The following ADGRB3 variants were observed in gnomAD, a reference collection of about 807,000 sequenced individuals.
The protein encoded by ADGRB3 is adhesion G protein-coupled receptor B3.
ADGRB3 carries 37 observed loss-of-function variants against 193.4 expected under a neutral mutation model. The observed-to-expected ratio is 0.19, with a 90% CI of 0.15 to 0.25. The LOEUF is 0.25. Ranked by LOEUF, ADGRB3 falls within the 10% of genes least tolerant of loss-of-function variation. ADGRB3 has a pLI of 1.00. For missense variants in ADGRB3, 1,637 were observed against 1,852.9 expected, an observed-to-expected ratio of 0.88 and a Z score of 2.14; for synonymous variants, 690 against 644.2, an observed-to-expected ratio of 1.07 and a Z score of -1.08.
rs1765283519 is a variant in ADGRB3, at chr6:68,703,872, C to T, written c.757+64440C>T. Reference sequence around the variant, plus strand: ...TCCTGACCTCAAGCAGTCCTCCTGCCTCAGCCTCCAAAAGTACTGGGATTA... The same window carrying T: ...TCCTGACCTCAAGCAGTCCTCCTGCTTCAGCCTCCAAAAGTACTGGGATTA... On this transcript the variant is annotated intron_variant, in intron 3 of 31. Coordinates refer to ENST00000370598, the MANE Select transcript of ADGRB3 (RefSeq NM_001704.3). Among the ~76,000 whole-genome samples, 4 of 152,314 alleles carry T rather than the reference C, an allele frequency of 2.6e-5. No individual in the cohort carries two copies. The South Asian group carries it at 8.3e-4, about 32-fold the overall frequency.
intron 3 of ADGRB3, among the ~76,000 whole-genome samples, chr6:68,820,729 G>A (rs1212964410): frequency 2.0e-5 from 3 of 151,954 alleles, no homozygotes; most frequent in Non-Finnish European, 4.4e-5. Context: ...TCCCACAAAT[G>A]AGTAAGAGTA....
At chr6:68,894,738 T>A (rs1323421050) in intron 3 of ADGRB3, among the ~76,000 whole-genome samples, 1 of 152,022 alleles carries the variant, frequency 6.6e-6, no homozygotes, top group Non-Finnish European at 1.5e-5. Context: ...GAAATTTAAA[T>A]GAGTCTAAGG....
intron 3 of ADGRB3, among the ~76,000 whole-genome samples, chr6:68,737,351 C>T (rs190459994): frequency 5.0e-4 from 76 of 152,138 alleles, no homozygotes; most frequent in African/African-American, 1.7e-3. Context: ...TGATGTTGCA[C>T]ATTTTTTCAC....
chr6:68,817,704 C>T (rs1767664204), intron 3 of ADGRB3, among the ~76,000 whole-genome samples: 1 of 151,672 alleles, frequency 6.6e-6, no homozygotes, highest in Non-Finnish European at 1.5e-5. Context: ...CATGATAAGC[C>T]CTCAATAAAT....
At chr6:68,910,597 G>T (rs889733362) in intron 3 of ADGRB3, among the ~76,000 whole-genome samples, 1 of 152,166 alleles carries the variant, frequency 6.6e-6, no homozygotes, top group Non-Finnish European at 1.5e-5. Context: ...GTGTAAGGAA[G>T]GGATCCAGTT....
At chr6:68,735,898 C>T (rs896081969) in intron 3 of ADGRB3, among the ~76,000 whole-genome samples, 6 of 152,136 alleles carry the variant, frequency 3.9e-5, no homozygotes, top group Admixed American at 3.9e-4. Flanking sequence ...GAGCAGCAAT[C>T]ACTGAGTGCT....
chr6:69,061,906 T>C (rs547456432), intron 15 of ADGRB3, among the ~76,000 whole-genome samples: 1 of 152,070 alleles, frequency 6.6e-6, no homozygotes, highest in Admixed American at 6.6e-5. Context: ...ACTTACATGG[T>C]AGTATATTAT....
At chr6:68,762,799 G>A (rs1324102463) in intron 3 of ADGRB3, among the ~76,000 whole-genome samples, 1 of 152,030 alleles carries the variant, frequency 6.6e-6, no homozygotes, top group Non-Finnish European at 1.5e-5. Flanking sequence ...ATCATTTGCT[G>A]AAATTCTACA....
chr6:68,715,691 AGTT>A (rs1765477793), intron 3 of ADGRB3, among the ~76,000 whole-genome samples: 1 of 151,822 alleles, frequency 6.6e-6, no homozygotes, highest in South Asian at 2.1e-4. Context: ...TCATTCCATT[AGTT>A]GCTTTACATA....
In ADGRB3 at chr6:69,279,071, GTATATATATATATATATATATATA is replaced by G. The variant is rs57824884; in HGVS notation, c.2814+39871_2814+39894del. ...CTCATATGGCATATTAAATACATAT[GTATATATATATATATATATATATA>G]TATATATATATATATATATATATAT... On this transcript the variant is annotated intron_variant, in intron 20 of 31. Transcript: ENST00000370598. Among the ~76,000 whole-genome samples, 74 of 71,376 alleles carry G rather than the reference GTATATATATATATATATATATATA, an allele frequency of 1.0e-3. 1 individual carries two copies. In the East Asian group the frequency reaches 0.012, roughly 11 times the overall value. The allele number at this position is 71,376 out of a possible 152,430, so 46.8% of individuals were successfully genotyped here. A position where few individuals can be genotyped will look rare whatever the true frequency, so the allele number is the denominator to read the frequency against.
At chr6:68,995,020 T>C (rs1162772717) in intron 11 of ADGRB3, among the ~76,000 whole-genome samples, 1 of 152,172 alleles carries the variant, frequency 6.6e-6, no homozygotes, top group Admixed American at 6.6e-5. Context: ...CATATGCATA[T>C]ACTGCTGAAA....
At chr6:68,803,319 T>C (rs1292885774) in intron 3 of ADGRB3, among the ~76,000 whole-genome samples, 2 of 152,196 alleles carry the variant, frequency 1.3e-5, no homozygotes, top group South Asian at 2.1e-4. Context: ...CAGAGTTCCA[T>C]ATTTTTTGCA....
chr6:69,317,851 T>G (rs1768351357), intron 20 of ADGRB3, among the ~76,000 whole-genome samples: 1 of 151,432 alleles, frequency 6.6e-6, no homozygotes, highest in Non-Finnish European at 1.5e-5. Context: ...TAATTAAAAA[T>G]TTTGGACTAC....
At chr6:69,370,386 T>C (rs1769682564) in intron 29 of ADGRB3, among the ~76,000 whole-genome samples, 1 of 152,148 alleles carries the variant, frequency 6.6e-6, no homozygotes, top group Non-Finnish European at 1.5e-5. Context: ...TTTAAGGCTT[T>C]ACTGCTTTAT....
chr6:69,385,631 T>C (rs1468553881), intron 31 of ADGRB3, among the ~76,000 whole-genome samples: 1 of 152,116 alleles, frequency 6.6e-6, no homozygotes, highest in Admixed American at 6.6e-5. Context: ...CTCCTTATTC[T>C]GTACTCAAGT....
At chr6:69,235,964 A>G (rs1766255417) in intron 19 of ADGRB3, among the ~76,000 whole-genome samples, 1 of 151,856 alleles carries the variant, frequency 6.6e-6, no homozygotes, top group Non-Finnish European at 1.5e-5. Context: ...AAAATAATCT[A>G]AATATTTTTA....
intron 20 of ADGRB3, among the ~76,000 whole-genome samples, chr6:69,321,696 G>A (rs1768460232): frequency 6.6e-6 from 1 of 151,732 alleles, no homozygotes; most frequent in Non-Finnish European, 1.5e-5. Context: ...CTGAACACTA[G>A]AAAGGCCAGT....
At chr6:69,151,105 C>T (rs925556887) in intron 17 of ADGRB3, among the ~76,000 whole-genome samples, 2 of 152,174 alleles carry the variant, frequency 1.3e-5, no homozygotes, top group African/African-American at 4.8e-5. Context: ...CCTTAGTAGC[C>T]CCAGCTGGTG....
intron 17 of ADGRB3, among the ~76,000 whole-genome samples, chr6:69,082,422 A>C (rs996191046): frequency 7.2e-5 from 11 of 152,044 alleles, no homozygotes; most frequent in African/African-American, 2.7e-4. Flanking sequence ...TGTAATACCG[A>C]ATAATATTGT....
Sources: allele counts gnomAD v4.1 joint callset (sites outside exome capture counted in the v4.1 genomes callset), GRCh38; gene constraint gnomAD v4.1.1; transcripts MANE v1.5; gene names NCBI Gene and HGNC (gene_info 2026-07-23, HGNC 2026-07-21).